The following NFATC2 variants were observed in gnomAD, a reference collection of about 807,000 sequenced individuals.
The protein encoded by NFATC2 is nuclear factor of activated T-cells, cytoplasmic 2.
In NFATC2, 22 loss-of-function variants were observed where a neutral mutation model predicts 87.3. That is an observed-to-expected ratio of 0.25 (90% CI 0.18 to 0.36). The LOEUF (loss-of-function observed/expected upper bound fraction) is 0.36. Ranked by LOEUF, NFATC2 falls within the 10% of genes least tolerant of loss-of-function variation. NFATC2 has a pLI of 1.00. For missense variants in NFATC2, 1,149 were observed against 1,259.1 expected (o/e 0.91, Z 1.32); for synonymous variants, 565 against 542.2 (o/e 1.04, Z -0.58).
At chr20:51,396,675 G>C (rs1345243364) in intron 10 of NFATC2, among the ~76,000 whole-genome samples, 5 of 152,190 alleles carry the variant, frequency 3.3e-5, no homozygotes, top group Admixed American at 1.3e-4. Flanking sequence ...GAATCTGAGA[G>C]CCAAGAGGGG....
chr20:51,539,919 G>T (rs1351087092), intron 1 of NFATC2, among the ~76,000 whole-genome samples: 1 of 152,208 alleles, frequency 6.6e-6, no homozygotes, highest in Non-Finnish European at 1.5e-5. Context: ...GCTTCATGTA[G>T]TAATGCCTTC....
At chr20:51,505,598 T>C (rs2076165794) in intron 3 of NFATC2, among the ~76,000 whole-genome samples, 1 of 152,088 alleles carries the variant, frequency 6.6e-6, no homozygotes, top group South Asian at 2.1e-4. Context: ...GCTGTGGACT[T>C]GAGAACCACA....
At chr20:51,534,276 G>C (rs2076684131) in intron 1 of NFATC2, among the ~76,000 whole-genome samples, 1 of 152,138 alleles carries the variant, frequency 6.6e-6, no homozygotes, top group Admixed American at 6.5e-5. Context: ...AGTGCACAGG[G>C]GGAAGGGCTG....
At chr20:51,482,473 G>A (rs1169645194) in intron 3 of NFATC2, among the ~76,000 whole-genome samples, 2 of 152,024 alleles carry the variant, frequency 1.3e-5, no homozygotes, top group Non-Finnish European at 2.9e-5. Context: ...GCATTTGAGT[G>A]TACATCCTTC....
Position 51,488,288 on chromosome 20 carries a change from T to C in NFATC2, c.1333-12628A>G, listed in dbSNP as rs554473086. Among the ~76,000 whole-genome samples the C allele has an allele frequency of 1.4e-4, 22 of 152,346 alleles. 1 individual carries two copies. The South Asian group carries it at 4.3e-3, about 30-fold the overall frequency. On this transcript the variant is annotated intron_variant, in intron 3 of 10. Transcript: ENST00000371564. ...CTGGATGGATGGTAACATGTGGGAT[T>C]ATCATAATCCCAGAATTTAAGACAT... is the stretch of plus-strand genomic sequence containing the variant.
chr20:51,422,359 C>T (rs936162640), intron 9 of NFATC2, among the ~76,000 whole-genome samples: 14 of 152,290 alleles, frequency 9.2e-5, no homozygotes, highest in African/African-American at 3.4e-4. Context: ...AGAACGGACT[C>T]CTTCAAATTC....
Position 51,523,522 on chromosome 20 carries a change from CG to C in NFATC2, c.718del (p.Arg240ValfsTer63). 6.2e-7 allele frequency: 1 copy of C among 1,613,216 alleles called. No homozygotes were observed. The highest frequency in any genetic ancestry group is 8.5e-7 in the Non-Finnish European group (1 of 1,179,636). On this transcript the variant is annotated frameshift_variant, in exon 2 of 11. Transcript: ENST00000371564. LOFTEE classifies it high-confidence loss of function. The surrounding 1 kb of genome is among the most constrained non-coding windows in gnomAD (Gnocchi z 6.9). ...SCLGRHSPVPRPASRSSSPGA... is the reference protein window; with the variant it reads ...SCLGRHSPVPXPASRSSSPGA... ...AGGCGATGAGGAGCGGGAGGCCGGA[CG>C]GGGCACGGGCGAGTGGCGGCCCAGG...
At chr20:51,487,360 C>T (rs570756085) in intron 3 of NFATC2, among the ~76,000 whole-genome samples, 72 of 152,334 alleles carry the variant, frequency 4.7e-4, no homozygotes, top group African/African-American at 1.6e-3. Flanking sequence ...GAGAGACTAT[C>T]TGGATAAAGA....
At chr20:51,505,947 G>A (rs1447350836) in intron 3 of NFATC2, among the ~76,000 whole-genome samples, 1 of 152,256 alleles carries the variant, frequency 6.6e-6, no homozygotes, top group East Asian at 1.9e-4. Flanking sequence ...AAATTAATAA[G>A]AAAAACAATG....
At chr20:51,440,512 A>G (rs61437667) in intron 6 of NFATC2, among the ~76,000 whole-genome samples, 3,493 of 152,272 alleles carry the variant, frequency 0.023, 122 homozygotes, top group East Asian at 0.13. Context: ...ATGGTGCCTG[A>G]TTTTCCTTTG....
intron 3 of NFATC2, among the ~76,000 whole-genome samples, chr20:51,505,968 G>C (rs8120952): frequency 6.6e-6 from 1 of 152,134 alleles, no homozygotes; most frequent in Non-Finnish European, 1.5e-5. Flanking sequence ...AGCATATCTT[G>C]AGCTCTCATC....
intron 5 of NFATC2, among the ~76,000 whole-genome samples, chr20:51,471,368 A>T (rs1466555898): frequency 6.6e-6 from 1 of 152,210 alleles, no homozygotes; most frequent in African/African-American, 2.4e-5. Context: ...GAGAGGTTCA[A>T]AACCAAGACC....
In NFATC2 at chr20:51,432,849, T is replaced by G; in HGVS notation, c.2033-93A>C. 1 of 1,142,228 alleles carries G rather than the reference T, an allele frequency of 8.8e-7. No individual in the cohort carries two copies. Among genetic ancestry groups the G allele is most frequent in the Non-Finnish European group, 1.2e-6 (1 of 845,776 alleles). The allele number at this position is 1,142,228 out of a possible 1,614,324, so 70.8% of individuals were successfully genotyped here. ...TGGATGGTGCTTGAGAACATGGCCT[T>G]GGGAGTCCATACGGGTGGGACAAAC... is the stretch of plus-strand genomic sequence containing the variant. On this transcript the variant is annotated intron_variant, in intron 8 of 10. Transcript: ENST00000371564. This position sits in a 1 kb window ranked among gnomAD's most constrained non-coding sequence, Gnocchi z 4.6.
chr20:51,560,593 G>T (rs1015688398), intron 1 of NFATC2, among the ~76,000 whole-genome samples: 1 of 152,222 alleles, frequency 6.6e-6, no homozygotes, highest in Non-Finnish European at 1.5e-5. Context: ...GCAGGGCATA[G>T]TGGGAGCATT....
chr20:51,505,738 C>A (rs2076167872), intron 3 of NFATC2, among the ~76,000 whole-genome samples: 1 of 152,092 alleles, frequency 6.6e-6, no homozygotes, highest in South Asian at 2.1e-4. Flanking sequence ...AGGCTGCAGG[C>A]TGGGTGTCGT....
Position 51,388,022 on chromosome 20 carries a change from C to T in NFATC2, c.*3474G>A, listed in dbSNP as rs192462358. On this transcript the variant is annotated 3_prime_UTR_variant, in exon 11 of 11. Coordinates refer to ENST00000371564, the MANE Select transcript of NFATC2 (RefSeq NM_012340.5). ...GGATGTAAACAAAAAATGCAATATC[C>T]GTGCCTCCCAGTTCTTTGAAGGAAT... The T allele has an allele frequency of 1.8e-4, 28 of 152,136 alleles. No homozygotes were observed. In the East Asian group the frequency reaches 4.8e-3, roughly 26 times the overall value. The allele number at this position is 152,136 out of a possible 1,614,324, so 9.4% of individuals were successfully genotyped here.
rs896345203 is a variant in NFATC2, at chr20:51,502,187, G to A, written c.1332+14597C>T. Among the ~76,000 whole-genome samples, 5 of 152,182 alleles carry A rather than the reference G, an allele frequency of 3.3e-5. No individual in the cohort carries two copies. In the East Asian group the frequency reaches 9.6e-4, roughly 29 times the overall value. ...GCATCTAACACAATGCCTGGTATGT[G>A]GTAGAAGCCCAATGTTTGTTGAATA... On this transcript the variant is annotated intron_variant, in intron 3 of 10. Coordinates refer to ENST00000371564, the MANE Select transcript of NFATC2 (RefSeq NM_012340.5).
At chr20:51,393,482 C>CA (rs1986619812) in intron 10 of NFATC2, among the ~76,000 whole-genome samples, 1 of 152,088 alleles carries the variant, frequency 6.6e-6, no homozygotes, top group Non-Finnish European at 1.5e-5. Context: ...GAAACGGATT[C>CA]ATTAATAGGA....
At chr20:51,394,004 G>A (rs115306048) in intron 10 of NFATC2, among the ~76,000 whole-genome samples, 2,194 of 152,236 alleles carry the variant, frequency 0.014, 47 homozygotes, top group African/African-American at 0.051. Flanking sequence ...CTTTCTGGGA[G>A]TTACTTTCAG....
Sources: allele counts gnomAD v4.1 joint callset (sites outside exome capture counted in the v4.1 genomes callset), GRCh38; gene constraint gnomAD v4.1.1; non-coding constraint Gnocchi (gnomAD v3.1); transcripts MANE v1.5; gene names NCBI Gene and HGNC (gene_info 2026-07-23, HGNC 2026-07-21).